TNFSF18: variants seen among roughly 807,000 people sequenced by gnomAD.
TNFSF18 encodes the protein TNF superfamily member 18, also known as tumor necrosis factor ligand superfamily member 18.
A neutral mutation model predicts 9.6 loss-of-function variants in TNFSF18; 6 were observed. The observed-to-expected ratio is 0.63, with a 90% CI of 0.34 to 1.24. The LOEUF is 1.24. Among genes scored for constraint, TNFSF18 ranks in the 50% most tolerant of loss-of-function variants. TNFSF18 has a pLI of 0.03. For synonymous variants in TNFSF18, 68 were observed against 71.7 expected, an observed-to-expected ratio of 0.95 and a Z score of 0.26; for missense variants, 210 against 201.0, an observed-to-expected ratio of 1.04 and a Z score of -0.27.
intron 1 of TNFSF18, among the ~76,000 whole-genome samples, chr1:173,047,064 T>C (rs950625622): frequency 2.6e-5 from 4 of 152,066 alleles, no homozygotes; most frequent in Non-Finnish European, 5.9e-5. Context: ...AGCTATTTTT[T>C]TTGTATTTTT....
intron 2 of TNFSF18, among the ~76,000 whole-genome samples, 199 bp downstream of exon 2, chr1:173,043,740 T>C (rs1665028896): frequency 6.6e-6 from 1 of 152,198 alleles, no homozygotes; most frequent in African/African-American, 2.4e-5. Context: ...ATAAGCTTTA[T>C]CAGGGCATGG....
At chr1:173,046,870 CTTG>C (rs1665091443) in intron 1 of TNFSF18, among the ~76,000 whole-genome samples, 1 of 139,664 alleles carries the variant, frequency 7.2e-6, no homozygotes. Context: ...ATTCCCTACA[CTTG>C]TTTTTTTTTG....
At chr1:173,043,448 G>A (rs547816890) in intron 2 of TNFSF18, among the ~76,000 whole-genome samples, 9 of 152,256 alleles carry the variant, frequency 5.9e-5, no homozygotes, top group African/African-American at 2.2e-4. Context: ...AAGGGAAAAT[G>A]ACTCAGAAGC....
chr1:173,043,814 A>T (rs1665029949), intron 2 of TNFSF18, 125 bp downstream of exon 2: 1 of 943,154 alleles, frequency 1.1e-6, no homozygotes, highest in Admixed American at 1.9e-5. Context: ...GTACATGATA[A>T]GTAATTATAC....
intron 2 of TNFSF18, among the ~76,000 whole-genome samples, chr1:173,042,575 A>G (rs1013539706): frequency 2.0e-5 from 3 of 152,176 alleles, no homozygotes; most frequent in African/African-American, 7.2e-5. Flanking sequence ...GACTATTTAA[A>G]TATAAGGATC....
intron 1 of TNFSF18, among the ~76,000 whole-genome samples, chr1:173,046,777 G>A (rs1413198090): frequency 1.3e-5 from 2 of 151,886 alleles, no homozygotes; most frequent in Non-Finnish European, 2.9e-5. Context: ...ACAAATGTTG[G>A]GAATTATACT....
intron 1 of TNFSF18, among the ~76,000 whole-genome samples, chr1:173,046,112 G>A (rs954979765): frequency 6.6e-6 from 1 of 152,196 alleles, no homozygotes; most frequent in African/African-American, 2.4e-5. Context: ...GGCAGTGGCT[G>A]TGAATTTAAA....
At chr1:173,041,824 G>A (rs963701544) in intron 2 of TNFSF18, 111 bp from the exon 3 acceptor site, 2 of 988,848 alleles carry the variant, frequency 2.0e-6, no homozygotes, top group African/African-American at 3.3e-5. Flanking sequence ...TTCTTTACCT[G>A]ATCTACACTA....
At chr1:173,046,882 TG>T (rs375861682) in intron 1 of TNFSF18, among the ~76,000 whole-genome samples, 30,191 of 149,036 alleles carry the variant, frequency 0.2, 4,579 homozygotes, top group East Asian at 0.75. Context: ...TGTTTTTTTT[TG>T]TTGTTGTTGT....
In TNFSF18 at chr1:173,040,243, T is replaced by G. The variant is rs966919409; in HGVS notation, c.*1124A>C. On this transcript the variant is annotated 3_prime_UTR_variant, in exon 3 of 3. Coordinates refer to ENST00000404377, the MANE Select transcript of TNFSF18 (RefSeq NM_005092.4). Reference sequence around the variant, plus strand: ...GGCAGGAAAAAAAAAAAAAGTGTGCTGGTAAAGGAAAGATCTGTTGTAGCT... The same window carrying G: ...GGCAGGAAAAAAAAAAAAAGTGTGCGGGTAAAGGAAAGATCTGTTGTAGCT... 1 of 150,402 alleles carries G rather than the reference T, an allele frequency of 6.6e-6. No individual in the cohort carries two copies. Among genetic ancestry groups the G allele is most frequent in the African/African-American group, 2.4e-5 (1 of 41,010 alleles). 9.3% of individuals were successfully genotyped at this position (150,402 alleles called of 1,614,324 possible).
Position 173,041,333 on chromosome 1 carries a change from G to T in TNFSF18, c.*34C>A. ...AATCCACCCACTGGCACCTCTACAT[G>T]TGCTGAAGGGAATGAGGAGATCAAA... On this transcript the variant is annotated 3_prime_UTR_variant, in exon 3 of 3. Coordinates refer to ENST00000404377, the MANE Select transcript of TNFSF18 (RefSeq NM_005092.4). 1 of 1,511,234 alleles carries T rather than the reference G, an allele frequency of 6.6e-7. No homozygotes were observed. Among genetic ancestry groups the T allele is most frequent in the Non-Finnish European group, 9.0e-7 (1 of 1,110,388 alleles). The allele number at this position is 1,511,234 out of a possible 1,614,324, so 93.6% of individuals were successfully genotyped here.
intron 1 of TNFSF18, among the ~76,000 whole-genome samples, chr1:173,050,138 A>G (rs1665146335): frequency 6.6e-6 from 1 of 152,206 alleles, no homozygotes; most frequent in Non-Finnish European, 1.5e-5. Context: ...GCTAGAAGAA[A>G]CATCATAATA....
rs551720823 is a variant in TNFSF18, at chr1:173,043,175, C to T, written c.187+764G>A. On this transcript the variant is annotated intron_variant, in intron 2 of 2. Coordinates refer to ENST00000404377, the MANE Select transcript of TNFSF18 (RefSeq NM_005092.4). Reference sequence around the variant, plus strand: ...TTATGGGCAAAACAAAAACAAAACACAAAGAAAGAGACAGGCAAAAGGACA... The same window carrying T: ...TTATGGGCAAAACAAAAACAAAACATAAAGAAAGAGACAGGCAAAAGGACA... 2.0e-5 allele frequency among the ~76,000 whole-genome samples: 3 copies of T among 152,092 alleles called. No individual in the cohort carries two copies. In the South Asian group the frequency reaches 6.2e-4, roughly 32 times the overall value.
At chr1:173,047,597 C>A (rs921908273) in intron 1 of TNFSF18, among the ~76,000 whole-genome samples, 1 of 152,184 alleles carries the variant, frequency 6.6e-6, no homozygotes, top group African/African-American at 2.4e-5. Flanking sequence ...ACACCCAAAG[C>A]AATTTGGTAA....
chr1:173,044,183 G>A (rs1476028711), intron 1 of TNFSF18, among the ~76,000 whole-genome samples: 2 of 151,566 alleles, frequency 1.3e-5, no homozygotes, highest in African/African-American at 4.9e-5. Context: ...TCCCTTTTAG[G>A]TCTTTTAGAC....
At chr1:173,044,013 G>C in intron 1 of TNFSF18, 44 bp from the exon 2 acceptor site, 1 of 1,567,830 alleles carries the variant, frequency 6.4e-7, no homozygotes, top group Non-Finnish European at 8.8e-7. Flanking sequence ...TGATGACAGT[G>C]TCATTAATTT....
At chr1:173,048,354 G>A (rs577601783) in intron 1 of TNFSF18, among the ~76,000 whole-genome samples, 1 of 152,230 alleles carries the variant, frequency 6.6e-6, no homozygotes, top group Non-Finnish European at 1.5e-5. Flanking sequence ...ACGTAGTTCG[G>A]CTCAAAATGG....
intron 1 of TNFSF18, among the ~76,000 whole-genome samples, chr1:173,045,633 TTTGTTGTTGTTG>T (rs142244941): frequency 6.6e-5 from 10 of 151,236 alleles, no homozygotes; most frequent in African/African-American, 2.2e-4. Flanking sequence ...AAAGAGGTTT[TTTGTTGTTGTTG>T]TTGTTGTTGT....
intron 1 of TNFSF18, among the ~76,000 whole-genome samples, chr1:173,045,041 G>A (rs927062898): frequency 1.3e-5 from 2 of 152,178 alleles, no homozygotes; most frequent in Non-Finnish European, 2.9e-5. Flanking sequence ...AATAAATGGG[G>A]AGGGGAACAA....
Sources: gnomAD v4.1 joint callset for allele counts (sites outside exome capture counted in the v4.1 genomes callset) on GRCh38, gnomAD v4.1.1 for gene constraint, MANE v1.5 for transcripts, NCBI Gene and HGNC (gene_info 2026-07-23, HGNC 2026-07-21) for gene names.